RAP1GAP2: variants seen among roughly 807,000 people sequenced by gnomAD.
RAP1GAP2 encodes the protein RAP1 GTPase activating protein 2, also known as rap1 GTPase-activating protein 2.
In RAP1GAP2, 27 loss-of-function variants were observed where a neutral mutation model predicts 95.0. The ratio of observed to expected loss-of-function variants is 0.28; its 90% CI spans 0.21 to 0.39. The LOEUF is 0.39. Among genes scored for constraint, RAP1GAP2 ranks in the 10% least tolerant of loss-of-function variants. The pLI, the probability that RAP1GAP2 is intolerant of heterozygous loss-of-function variation, is 1.00. For synonymous variants in RAP1GAP2, 373 were observed against 380.9 expected, an observed-to-expected ratio of 0.98 and a Z score of 0.24; for missense variants, 771 against 970.0, an observed-to-expected ratio of 0.79 and a Z score of 2.72.
At chr17:2,956,240 C>G (rs926814765) in intron 3 of RAP1GAP2, among the ~76,000 whole-genome samples, 1 of 152,196 alleles carries the variant, frequency 6.6e-6, no homozygotes, top group Admixed American at 6.5e-5. Context: ...GAGTTGGGCG[C>G]GGGTGCCCTA....
chr17:2,784,080 C>G (rs2068717415), intron 1 of RAP1GAP2, among the ~76,000 whole-genome samples: 1 of 152,068 alleles, frequency 6.6e-6, no homozygotes, highest in African/African-American at 2.4e-5. Flanking sequence ...TTAAGTGATT[C>G]TCTTGTCTCA....
At chr17:2,760,445 A>G (rs867049885) in intron 1 of RAP1GAP2, among the ~76,000 whole-genome samples, 2 of 151,214 alleles carry the variant, frequency 1.3e-5, no homozygotes, top group African/African-American at 4.8e-5. Flanking sequence ...GGTTCAAACA[A>G]TTCTCCTGCC....
intron 3 of RAP1GAP2, among the ~76,000 whole-genome samples, chr17:2,932,652 C>T (rs1167007082): frequency 6.9e-6 from 1 of 145,868 alleles, no homozygotes; most frequent in Non-Finnish European, 1.5e-5. Context: ...CCCGTCTCTA[C>T]TAAAAATACA....
intron 12 of RAP1GAP2, among the ~76,000 whole-genome samples, chr17:2,993,136 C>T (rs1227594542): frequency 3.3e-5 from 5 of 149,384 alleles, no homozygotes; most frequent in Admixed American, 1.3e-4. Context: ...GCAGGAGAAT[C>T]GCTTGAACCC....
Position 2,891,687 on chromosome 17 carries a change from C to T in RAP1GAP2, c.81-13597C>T, listed in dbSNP as rs190905810. On this transcript the variant is annotated intron_variant, in intron 2 of 24. Coordinates refer to ENST00000254695, the MANE Select transcript of RAP1GAP2 (RefSeq NM_015085.5). ...AATGTCTTTATTGGTTGATAGTTTG[C>T]CTGGGTGTGAAATTTTAGGTTGAAA... 2.0e-4 allele frequency among the ~76,000 whole-genome samples: 30 copies of T among 151,060 alleles called. No individual in the cohort carries two copies. The East Asian group carries it at 4.5e-3, about 22-fold the overall frequency.
intron 3 of RAP1GAP2, among the ~76,000 whole-genome samples, chr17:2,934,149 T>G (rs913565215): frequency 2.0e-5 from 3 of 152,212 alleles, no homozygotes; most frequent in Non-Finnish European, 4.4e-5. Context: ...CTTTTTTTTT[T>G]GAGACAGAGT....
chr17:2,814,843 G>A (rs889707075), intron 2 of RAP1GAP2, among the ~76,000 whole-genome samples: 1 of 152,168 alleles, frequency 6.6e-6, no homozygotes, highest in Non-Finnish European at 1.5e-5. Flanking sequence ...CTGCCCTGGG[G>A]TGTTGGGGGG....
chr17:2,804,119 A>G (rs115779857), intron 2 of RAP1GAP2, among the ~76,000 whole-genome samples: 1,675 of 152,196 alleles, frequency 0.011, 38 homozygotes, highest in African/African-American at 0.038. Flanking sequence ...CTCTCCTTCT[A>G]CAGCAGCTCA....
chr17:2,758,154 C>A (rs535819478), intron 1 of RAP1GAP2, among the ~76,000 whole-genome samples: 2 of 150,712 alleles, frequency 1.3e-5, no homozygotes, highest in East Asian at 3.9e-4. Flanking sequence ...CAGGCGTGAG[C>A]CACCACGCCT....
At chr17:2,989,822 G>C (rs192193503) in intron 11 of RAP1GAP2, among the ~76,000 whole-genome samples, 6 of 146,320 alleles carry the variant, frequency 4.1e-5, no homozygotes, top group Admixed American at 1.4e-4. Context: ...CCACAGAATC[G>C]TGCACCTGTC....
chr17:2,768,710 AG>A (rs1434556224), intron 1 of RAP1GAP2, among the ~76,000 whole-genome samples: 2 of 150,612 alleles, frequency 1.3e-5, no homozygotes, highest in South Asian at 2.1e-4. Flanking sequence ...AAAAAAAAAA[AG>A]AGTTGAATTA....
chr17:2,852,860 C>G (rs2071923734), intron 2 of RAP1GAP2, among the ~76,000 whole-genome samples: 1 of 152,186 alleles, frequency 6.6e-6, no homozygotes, highest in Non-Finnish European at 1.5e-5. Flanking sequence ...ACAGCCCTTT[C>G]CCCAGGAGCC....
At chr17:2,834,269 G>A (rs952038492) in intron 2 of RAP1GAP2, among the ~76,000 whole-genome samples, 4 of 152,162 alleles carry the variant, frequency 2.6e-5, no homozygotes, top group Non-Finnish European at 5.9e-5. Context: ...AGGGCCCCTG[G>A]GGGAAGCCAC....
chr17:2,930,674 G>A (rs2043113260), intron 3 of RAP1GAP2, among the ~76,000 whole-genome samples: 1 of 152,224 alleles, frequency 6.6e-6, no homozygotes, highest in South Asian at 2.1e-4. Context: ...TAAGACAAAG[G>A]CTGAGGTCTC....
At chr17:2,950,061 C>CTTCTTCTTT (rs1555575129) in intron 3 of RAP1GAP2, among the ~76,000 whole-genome samples, 27,251 of 140,910 alleles carry the variant, frequency 0.19, 2,814 homozygotes, top group East Asian at 0.21. Context: ...TCTTCTTCTT[C>CTTCTTCTTT]TTTTTTTTTT....
intron 1 of RAP1GAP2, among the ~76,000 whole-genome samples, chr17:2,760,547 G>T (rs898966298): frequency 1.4e-5 from 2 of 147,418 alleles, no homozygotes; most frequent in African/African-American, 4.9e-5. Flanking sequence ...CACCATGTTG[G>T]CCAGGCTGGT....
At position 3,031,883 on chromosome 17, in the gene RAP1GAP2, G is replaced by T. The variant is rs191237436; in HGVS notation, c.2185-528G>T. Among the ~76,000 whole-genome samples, 132 of 145,762 alleles carry T rather than the reference G, an allele frequency of 9.1e-4. 1 individual carries two copies. The highest frequency in any genetic ancestry group is 3.0e-3 in the African/African-American group (118 of 38,852). On this transcript the variant is annotated intron_variant, in intron 23 of 24. Transcript: ENST00000254695. ...CAGGTCCAGATGTGATGTGGGAAGG[G>T]CTGGTTCCTGGGTCCCGAATCCCTT...
Position 2,906,171 on chromosome 17 carries a change from GTCA to G in RAP1GAP2, c.165+806_165+808del, listed in dbSNP as rs1282471949. Among the ~76,000 whole-genome samples, 1 of 152,068 alleles carries G rather than the reference GTCA, an allele frequency of 6.6e-6. No homozygotes were observed. The highest frequency in any genetic ancestry group is 2.4e-5 in the African/African-American group (1 of 41,398). ...GCTGAAGAAGTCACCTGCCTCCTGA[GTCA>G]TCTGAGGGGACATCTAGGCCAGCTC... On this transcript the variant is annotated intron_variant, in intron 3 of 24. Coordinates refer to ENST00000254695, the MANE Select transcript of RAP1GAP2 (RefSeq NM_015085.5). The surrounding 1 kb of genome is among the most constrained non-coding windows in gnomAD (Gnocchi z 4.3).
chr17:2,919,705 CT>C (rs887739978), intron 3 of RAP1GAP2, among the ~76,000 whole-genome samples: 5 of 151,910 alleles, frequency 3.3e-5, no homozygotes, highest in African/African-American at 9.7e-5. Flanking sequence ...TTCCTTTTCT[CT>C]TTTTTTTCTT....
Sources: allele counts gnomAD v4.1 joint callset (sites outside exome capture counted in the v4.1 genomes callset), GRCh38; gene constraint gnomAD v4.1.1; non-coding constraint Gnocchi (gnomAD v3.1); transcripts MANE v1.5; gene names NCBI Gene and HGNC (gene_info 2026-07-23, HGNC 2026-07-21).